AP3B1: variants seen among roughly 807,000 people sequenced by gnomAD.
The protein encoded by AP3B1 is adaptor related protein complex 3 subunit beta 1.
In AP3B1, 61 loss-of-function variants were observed where a neutral mutation model predicts 132.5. The ratio of observed to expected loss-of-function variants is 0.46; its 90% CI spans 0.37 to 0.57. The LOEUF (loss-of-function observed/expected upper bound fraction) is 0.57, where lower values mean the gene tolerates loss of function less well. Among genes scored for constraint, AP3B1 ranks in the 20% least tolerant of loss-of-function variants. The pLI is 0.00. For missense variants in AP3B1, 1,120 were observed against 1,289.4 expected, an observed-to-expected ratio of 0.87 and a Z score of 2.01; for synonymous variants, 388 against 438.3, an observed-to-expected ratio of 0.89 and a Z score of 1.43.
intron 1 of AP3B1, among the ~76,000 whole-genome samples, chr5:78,274,944 A>G (rs1471519225): frequency 1.3e-5 from 2 of 152,004 alleles, no homozygotes; most frequent in East Asian, 3.9e-4. Context: ...CATCCAGAAA[A>G]TTACCTTGAG....
chr5:78,026,643 C>T (rs544255935), intron 24 of AP3B1, among the ~76,000 whole-genome samples: 5 of 152,214 alleles, frequency 3.3e-5, no homozygotes, highest in African/African-American at 1.2e-4. Context: ...GATCTATTTC[C>T]GTACAAGCAC....
At chr5:78,231,019 C>G (rs1045569008) in intron 3 of AP3B1, among the ~76,000 whole-genome samples, 4 of 151,700 alleles carry the variant, frequency 2.6e-5, no homozygotes, top group Non-Finnish European at 2.9e-5. Flanking sequence ...ACTGGGAAGG[C>G]TGAGGCAAGA....
chr5:78,079,819 A>C (rs1216237707), intron 22 of AP3B1, among the ~76,000 whole-genome samples: 1 of 152,212 alleles, frequency 6.6e-6, no homozygotes, highest in Non-Finnish European at 1.5e-5. Context: ...TGACAATCAC[A>C]AGTATACCCA....
chr5:78,174,530 C>T (rs568145991), intron 11 of AP3B1, among the ~76,000 whole-genome samples: 1 of 152,168 alleles, frequency 6.6e-6, no homozygotes. Context: ...TGCAGCACAG[C>T]AAATGCTGCA....
At chr5:78,150,896 A>C (rs1753619491) in intron 14 of AP3B1, among the ~76,000 whole-genome samples, 1 of 151,954 alleles carries the variant, frequency 6.6e-6, no homozygotes, top group African/African-American at 2.4e-5. Context: ...CTCCAGGTAA[A>C]CATATAATTT....
Position 78,227,465 on chromosome 5 carries a change from A to G in AP3B1, c.443T>C (p.Val148Ala). ...VLSSIRVPII[V>A]PIMMLAIKEA... ...CTTAATAGCAAGCATCATGATAGGT[A>G]CAATAATTGGCACTCTAATACTTGA... is the stretch of plus-strand genomic sequence containing the variant. The change falls in exon 5 of 27, where the codon GTA (valine) becomes GCA (alanine). Residue 148 changes from valine (V) to alanine (A), a missense_variant. Transcript: ENST00000255194. 3 of 1,613,778 alleles carry G rather than the reference A, an allele frequency of 1.9e-6. No individual in the cohort carries two copies. The highest frequency in any genetic ancestry group is 2.5e-6 in the Non-Finnish European group (3 of 1,179,758).
chr5:78,268,168 A>G (rs1748404740), intron 1 of AP3B1, among the ~76,000 whole-genome samples: 1 of 152,200 alleles, frequency 6.6e-6, no homozygotes, highest in African/African-American at 2.4e-5. Flanking sequence ...TACTACACAT[A>G]CTATAAATGT....
intron 22 of AP3B1, among the ~76,000 whole-genome samples, chr5:78,065,040 C>T (rs998511439): frequency 5.3e-5 from 8 of 152,076 alleles, no homozygotes; most frequent in African/African-American, 1.9e-4. Context: ...TGGCACGACC[C>T]ACGGAGAGTG....
chr5:78,119,769 G>A (rs1486523092), intron 17 of AP3B1, among the ~76,000 whole-genome samples: 1 of 152,188 alleles, frequency 6.6e-6, no homozygotes, highest in Non-Finnish European at 1.5e-5. Context: ...ACACTCTGCA[G>A]GATATTATCC....
chr5:78,152,094 T>C (rs1228264243), intron 14 of AP3B1, among the ~76,000 whole-genome samples: 3 of 128,106 alleles, frequency 2.3e-5, no homozygotes, highest in South Asian at 6.3e-4. Context: ...TCCTTTCCCT[T>C]CCCTCTCCTT....
intron 2 of AP3B1, among the ~76,000 whole-genome samples, chr5:78,251,097 A>G (rs1747612907): frequency 6.6e-6 from 1 of 152,224 alleles, no homozygotes; most frequent in South Asian, 2.1e-4. Context: ...ACAGATTTAA[A>G]ATTTTAGAAT....
intron 22 of AP3B1, among the ~76,000 whole-genome samples, chr5:78,047,843 T>C (rs931386822): frequency 7.2e-5 from 11 of 152,202 alleles, no homozygotes; most frequent in Admixed American, 1.3e-4. Flanking sequence ...ATTCATGAAA[T>C]TGTTGCAAAT....
intron 2 of AP3B1, among the ~76,000 whole-genome samples, chr5:78,250,641 A>C (rs150329180): frequency 1.8e-3 from 267 of 152,306 alleles, no homozygotes; most frequent in African/African-American, 5.9e-3. Context: ...AAAACATTCC[A>C]CAGTTCAAAA....
rs1038816649 is a variant in AP3B1 at position 78,002,615 on chromosome 5, G to A, written c.*287C>T. The A allele has an allele frequency of 1.9e-5, 11 of 570,684 alleles. No homozygotes were observed. The East Asian group carries it at 2.5e-4, about 13-fold the overall frequency. 35.4% of individuals were successfully genotyped at this position (570,684 alleles called of 1,614,324 possible). A position where few individuals can be genotyped will look rare whatever the true frequency, so the allele number is the denominator to read the frequency against. ...CATTGTCGAAAAAGAGAAGGAAAAC[G>A]AGGAGGCCAAAAGAAGCAGCAGGAC... On this transcript the variant is annotated 3_prime_UTR_variant, in exon 27 of 27. Transcript: ENST00000255194.
At chr5:78,113,974 C>A (rs772440552) in intron 18 of AP3B1, 51 bp from the exon 19 acceptor site, 11 of 1,576,276 alleles carry the variant, frequency 7.0e-6, no homozygotes, top group Non-Finnish European at 9.5e-6. Flanking sequence ...TAATTAGACA[C>A]ACGGACACCT....
intron 1 of AP3B1, among the ~76,000 whole-genome samples, chr5:78,282,262 AT>A (rs1333517521): frequency 1.3e-5 from 2 of 151,894 alleles, no homozygotes; most frequent in African/African-American, 2.4e-5. Context: ...TCCTCTTTTT[AT>A]TTCTGTTAAA....
chr5:78,040,889 A>G (rs907431406), intron 22 of AP3B1, among the ~76,000 whole-genome samples: 9 of 152,240 alleles, frequency 5.9e-5, no homozygotes, highest in African/African-American at 2.2e-4. Flanking sequence ...AATATCATAT[A>G]TACAAAATGC....
intron 26 of AP3B1, among the ~76,000 whole-genome samples, chr5:78,014,171 A>G (rs1285309302): frequency 6.6e-6 from 1 of 152,156 alleles, no homozygotes; most frequent in Admixed American, 6.5e-5. Flanking sequence ...AACAACAACA[A>G]AAAAGAAATG....
At chr5:78,209,016 A>G (rs958784430) in intron 7 of AP3B1, among the ~76,000 whole-genome samples, 1 of 152,178 alleles carries the variant, frequency 6.6e-6, no homozygotes, top group Admixed American at 6.5e-5. Flanking sequence ...TATAATAGGA[A>G]GTCAATACAT....
Sources: gnomAD v4.1 joint callset for allele counts (sites outside exome capture counted in the v4.1 genomes callset) on GRCh38, gnomAD v4.1.1 for gene constraint, MANE v1.5 for transcripts, NCBI Gene and HGNC (gene_info 2026-07-23, HGNC 2026-07-21) for gene names.